The following NXPH1 variants were observed in gnomAD, a reference collection of about 807,000 sequenced individuals.
NXPH1 encodes neurexophilin-1.
In NXPH1, 5 loss-of-function variants were observed where a neutral mutation model predicts 23.7. That is an observed-to-expected ratio of 0.21 (90% confidence interval 0.11 to 0.44). The LOEUF (loss-of-function observed/expected upper bound fraction) is 0.44, where lower values mean the gene tolerates loss of function less well. NXPH1 is among the 20% of genes least tolerant of loss of function. The pLI, the probability that NXPH1 is intolerant of heterozygous loss-of-function variation, is 0.99. For missense variants in NXPH1, 324 were observed against 321.6 expected (o/e 1.01, Z -0.06); for synonymous variants, 144 against 122.2 (o/e 1.18, Z -1.18).
intron 2 of NXPH1, among the ~76,000 whole-genome samples, chr7:8,523,212 A>G (rs959655338): frequency 6.6e-6 from 1 of 152,190 alleles, no homozygotes. Context: ...TCAAGCCCAT[A>G]TCTTCCAGAG....
At chr7:8,637,515 G>A (rs879433479) in intron 2 of NXPH1, among the ~76,000 whole-genome samples, 7 of 152,234 alleles carry the variant, frequency 4.6e-5, no homozygotes, top group East Asian at 3.9e-4. Context: ...GTCAGCTACC[G>A]CACCTGGCCA....
At position 8,518,296 on chromosome 7, in the gene NXPH1, T is replaced by G. The variant is rs376110428; in HGVS notation, c.54+82529T>G. On this transcript the variant is annotated intron_variant, in intron 2 of 2. Coordinates refer to ENST00000405863, the MANE Select transcript of NXPH1 (RefSeq NM_152745.3). ...AGGGGCCTGGGTATGTAATATTTGT[T>G]GAAACATGGAAGGAGTGTAGTCCCA... Among the ~76,000 whole-genome samples, 31 of 152,256 alleles carry G rather than the reference T, an allele frequency of 2.0e-4. No homozygotes were observed. The East Asian group carries it at 5.2e-3, about 26-fold the overall frequency.
intron 2 of NXPH1, among the ~76,000 whole-genome samples, chr7:8,696,696 G>C (rs774971937): frequency 1.3e-5 from 2 of 151,976 alleles, no homozygotes; most frequent in Non-Finnish European, 2.9e-5. Context: ...TGTATAGAGA[G>C]AGTAGAATAA....
intron 2 of NXPH1, among the ~76,000 whole-genome samples, chr7:8,489,192 G>C (rs1000182635): frequency 2.6e-5 from 4 of 152,230 alleles, no homozygotes; most frequent in African/African-American, 9.6e-5. Context: ...TGCTGGGGAA[G>C]ATTCGGCCTA....
intron 2 of NXPH1, among the ~76,000 whole-genome samples, chr7:8,634,847 G>A (rs1482916435): frequency 6.6e-6 from 1 of 151,920 alleles, no homozygotes; most frequent in Non-Finnish European, 1.5e-5. Flanking sequence ...ATTTCCCCAA[G>A]AATAAGTATT....
intron 2 of NXPH1, among the ~76,000 whole-genome samples, chr7:8,459,563 T>C (rs1224028279): frequency 6.6e-6 from 1 of 152,230 alleles, no homozygotes; most frequent in African/African-American, 2.4e-5. Flanking sequence ...TGCCATCTTC[T>C]TTCTTCTAGA....
chr7:8,662,183 T>TACAC lies in NXPH1; in HGVS notation c.55-88824_55-88823insCACA, dbSNP rs772400655. Among the ~76,000 whole-genome samples the TACAC allele has an allele frequency of 2.4e-3, 134 of 55,658 alleles. No individual in the cohort carries two copies. The South Asian group carries it at 0.041, about 17-fold the overall frequency. 36.5% of individuals were successfully genotyped at this position (55,658 alleles called of 152,430 possible). ...TGGCATATGATTTTATATATATATA[T>TACAC]ATATATACACACATATATATATACA... On this transcript the variant is annotated intron_variant, in intron 2 of 2. Transcript: ENST00000405863.
intron 2 of NXPH1, among the ~76,000 whole-genome samples, chr7:8,497,928 G>A (rs1240923228): frequency 1.3e-5 from 2 of 152,036 alleles, no homozygotes; most frequent in Admixed American, 6.6e-5. Flanking sequence ...TAGTCATGAA[G>A]TCCTTGCCCA....
chr7:8,463,920 C>T (rs929778202), intron 2 of NXPH1, among the ~76,000 whole-genome samples: 1 of 152,148 alleles, frequency 6.6e-6, no homozygotes, highest in East Asian at 1.9e-4. Flanking sequence ...ATATTTGCAT[C>T]TTTGTCTGTC....
At chr7:8,504,117 T>C (rs2128613015) in intron 2 of NXPH1, among the ~76,000 whole-genome samples, 1 of 152,140 alleles carries the variant, frequency 6.6e-6, no homozygotes, top group Non-Finnish European at 1.5e-5. Context: ...GTGTGTCCAA[T>C]GTCACCCATC....
At chr7:8,444,701 T>A (rs1186051925) in intron 2 of NXPH1, among the ~76,000 whole-genome samples, 2 of 152,228 alleles carry the variant, frequency 1.3e-5, no homozygotes, top group African/African-American at 2.4e-5. Context: ...CTCGTCTTCA[T>A]CGTCTTCATC....
At chr7:8,622,276 GA>G (rs528461119) in intron 2 of NXPH1, among the ~76,000 whole-genome samples, 99 of 152,270 alleles carry the variant, frequency 6.5e-4, no homozygotes, top group African/African-American at 2.0e-3. Flanking sequence ...AACAGATTGT[GA>G]ATGAGGATGT....
chr7:8,526,284 C>T (rs759634928), intron 2 of NXPH1, among the ~76,000 whole-genome samples: 12 of 152,198 alleles, frequency 7.9e-5, no homozygotes, highest in Non-Finnish European at 7.3e-5. Flanking sequence ...TATGGGGTAG[C>T]TGTATTTAAC....
chr7:8,568,965 A>G (rs932060967), intron 2 of NXPH1, among the ~76,000 whole-genome samples: 1 of 151,916 alleles, frequency 6.6e-6, no homozygotes, highest in Non-Finnish European at 1.5e-5. Flanking sequence ...TTATGGAATT[A>G]GAAAAAAATT....
chr7:8,744,936 C>T (rs994403929), intron 2 of NXPH1, among the ~76,000 whole-genome samples: 2 of 152,170 alleles, frequency 1.3e-5, no homozygotes. Context: ...TAATTAGTCT[C>T]CCTTCCTTCA....
chr7:8,443,938 C>T (rs534614256), intron 2 of NXPH1, among the ~76,000 whole-genome samples: 1 of 152,304 alleles, frequency 6.6e-6, no homozygotes, highest in South Asian at 2.1e-4. Context: ...CTTGCCCTGG[C>T]CGCTGTTGCA....
intron 2 of NXPH1, among the ~76,000 whole-genome samples, chr7:8,560,934 T>A (rs936340158): frequency 7.3e-5 from 11 of 151,650 alleles, no homozygotes; most frequent in African/African-American, 2.7e-4. Context: ...GCATTTTGGC[T>A]GAGCTTCACC....
intron 2 of NXPH1, among the ~76,000 whole-genome samples, chr7:8,446,992 A>G (rs1816417099): frequency 6.6e-6 from 1 of 152,180 alleles, no homozygotes; most frequent in African/African-American, 2.4e-5. Context: ...GTGACTTATC[A>G]ACTGGCTAGA....
At chr7:8,537,758 A>T (rs1457199523) in intron 2 of NXPH1, among the ~76,000 whole-genome samples, 2 of 151,994 alleles carry the variant, frequency 1.3e-5, no homozygotes, top group Non-Finnish European at 2.9e-5. Flanking sequence ...CATCTGAAAG[A>T]TGAGGCAGTT....
Sources: allele counts gnomAD v4.1 joint callset (sites outside exome capture counted in the v4.1 genomes callset), GRCh38; gene constraint gnomAD v4.1.1; transcripts MANE v1.5; gene names NCBI Gene and HGNC (gene_info 2026-07-23, HGNC 2026-07-21).